SP100: variants seen among roughly 807,000 people sequenced by gnomAD.
SP100 encodes nuclear autoantigen Sp-100.
Under a neutral mutation model 130.0 loss-of-function variants are expected in SP100, and 84 were observed. That is an observed-to-expected ratio of 0.65 (90% confidence interval 0.54 to 0.77). SP100 has a LOEUF of 0.77. Ranked by LOEUF, SP100 falls within the 30% of genes least tolerant of loss-of-function variation. The pLI is 0.00. For missense variants in SP100, 978 were observed against 1,052.2 expected, an observed-to-expected ratio of 0.93 and a Z score of 0.97; for synonymous variants, 331 against 351.7, an observed-to-expected ratio of 0.94 and a Z score of 0.66.
chr2:230,502,020 C>T (rs766969067), intron 19 of SP100, among the ~76,000 whole-genome samples: 1 of 151,376 alleles, frequency 6.6e-6, no homozygotes, highest in African/African-American at 2.4e-5. Context: ...AGGCACATAC[C>T]ACCACACCCA....
intron 19 of SP100, among the ~76,000 whole-genome samples, chr2:230,499,684 C>T (rs569766123): frequency 2.6e-4 from 40 of 151,182 alleles, no homozygotes; most frequent in African/African-American, 9.0e-4. Context: ...CCATGGGAAT[C>T]GTGCTTCTTC....
intron 2 of SP100, among the ~76,000 whole-genome samples, chr2:230,427,624 CT>C (rs1216856638): frequency 1.3e-5 from 2 of 152,048 alleles, no homozygotes; most frequent in Non-Finnish European, 2.9e-5. Flanking sequence ...CTTTGTAGTA[CT>C]TTTTTTCTTT....
At chr2:230,473,513 A>G in intron 16 of SP100, 73 bp downstream of exon 16, 1 of 863,356 alleles carries the variant, frequency 1.2e-6, no homozygotes, top group South Asian at 1.5e-5. Context: ...GGATGTGGGA[A>G]GTGATCAGAG....
chr2:230,515,506 T>C, intron 24 of SP100: 10 of 1,611,222 alleles, frequency 6.2e-6, no homozygotes, highest in Non-Finnish European at 8.5e-6. Flanking sequence ...TATTGCTGCA[T>C]ATCGAGCTAA....
intron 24 of SP100, among the ~76,000 whole-genome samples, chr2:230,513,112 GA>G (rs1261907106): frequency 6.6e-6 from 1 of 152,194 alleles, no homozygotes; most frequent in Non-Finnish European, 1.5e-5. Context: ...AACAGGCCAT[GA>G]GTTGGTACAG....
chr2:230,511,920 G>T (rs936463469), intron 24 of SP100, among the ~76,000 whole-genome samples: 3 of 152,174 alleles, frequency 2.0e-5, no homozygotes, highest in Non-Finnish European at 2.9e-5. Context: ...AGGCTAGAAT[G>T]CAGTGACACA....
chr2:230,500,441 G>T (rs1447016264), intron 19 of SP100, among the ~76,000 whole-genome samples: 1 of 152,184 alleles, frequency 6.6e-6, no homozygotes, highest in Non-Finnish European at 1.5e-5. Context: ...GAAGTTGTTT[G>T]CCCTCAATAG....
At chr2:230,526,627 G>T (rs1307198155) in intron 24 of SP100, among the ~76,000 whole-genome samples, 1 of 152,108 alleles carries the variant, frequency 6.6e-6, no homozygotes, top group African/African-American at 2.4e-5. Flanking sequence ...GAGCTAAAAG[G>T]TCATGTTCTA....
intron 9 of SP100, among the ~76,000 whole-genome samples, chr2:230,462,215 T>A (rs1178962767): frequency 6.6e-6 from 1 of 152,046 alleles, no homozygotes; most frequent in African/African-American, 2.4e-5. Flanking sequence ...AAGAACAGTG[T>A]CAGTGGATGG....
At chr2:230,477,226 A>T (rs1182830153) in intron 17 of SP100, among the ~76,000 whole-genome samples, 1 of 152,016 alleles carries the variant, frequency 6.6e-6, no homozygotes. Flanking sequence ...GAACTCTTAA[A>T]TATTATATAT....
chr2:230,508,227 T>C (rs1690270771), intron 23 of SP100, 196 bp downstream of exon 23: 2 of 749,522 alleles, frequency 2.7e-6, no homozygotes, highest in Non-Finnish European at 4.0e-6. Flanking sequence ...ACGTTTGAGA[T>C]AGAGGTGGGA....
chr2:230,497,930 G>T (rs907882776), intron 18 of SP100, among the ~76,000 whole-genome samples: 1 of 152,160 alleles, frequency 6.6e-6, no homozygotes, highest in African/African-American at 2.4e-5. Context: ...TGGCTAGTGT[G>T]TCACCATCAT....
intron 15 of SP100, 164 bp downstream of exon 15, chr2:230,470,262 A>G: frequency 7.4e-7 from 1 of 1,346,398 alleles, no homozygotes; most frequent in Non-Finnish European, 9.6e-7. Flanking sequence ...GAGGCAGGAA[A>G]TTATGATAAA....
In SP100 at chr2:230,467,144, C is replaced by T. The variant is rs769672664; in HGVS notation, c.1220C>T (p.Ser407Leu). The change falls in exon 13 of 29, where the codon TCA becomes TTA. Residue 407 changes from serine (S) to leucine (L), a missense_variant. Ser to Leu is a moderately radical substitution (Grantham distance 145). Transcript: ENST00000340126. ...GTGATAGGACAAGACCACGACTTTT[C>T]AGAATCCAGTGAGGAGGAGGCGCCC... ...KRVIGQDHDFSESSEEEAPAE... is the reference protein window; with the variant it reads ...KRVIGQDHDFLESSEEEAPAE... 1.2e-6 allele frequency: 2 copies of T among 1,613,880 alleles called. No individual in the cohort carries two copies. Among genetic ancestry groups the T allele is most frequent in the Non-Finnish European group, 1.7e-6 (2 of 1,179,808 alleles).
At chr2:230,435,482 C>T (rs1292592245) in intron 2 of SP100, among the ~76,000 whole-genome samples, 1 of 152,126 alleles carries the variant, frequency 6.6e-6, no homozygotes, top group Admixed American at 6.6e-5. Flanking sequence ...TTTAACTATT[C>T]TCTTCTCAAA....
At chr2:230,428,848 C>T (rs1559482626) in intron 2 of SP100, among the ~76,000 whole-genome samples, 1 of 152,176 alleles carries the variant, frequency 6.6e-6, no homozygotes, top group Non-Finnish European at 1.5e-5. Flanking sequence ...CCAGGGCCCT[C>T]CCCCAACACT....
chr2:230,444,772 A>T (rs1346865791), intron 4 of SP100, among the ~76,000 whole-genome samples: 1 of 152,180 alleles, frequency 6.6e-6, no homozygotes, highest in Non-Finnish European at 1.5e-5. Flanking sequence ...GTGGGAGTGT[A>T]TGTCTCTTGT....
chr2:230,529,916 A>G (rs1287952365), intron 24 of SP100, among the ~76,000 whole-genome samples: 5 of 152,206 alleles, frequency 3.3e-5, no homozygotes, highest in Non-Finnish European at 7.3e-5. Flanking sequence ...ACCACTGCTC[A>G]ACAAAATAAA....
At chr2:230,500,753 C>T (rs1402256884) in intron 19 of SP100, among the ~76,000 whole-genome samples, 3 of 152,074 alleles carry the variant, frequency 2.0e-5, no homozygotes, top group African/African-American at 4.8e-5. Flanking sequence ...GAGGGAGAGT[C>T]CCACACAGAA....
Sources: allele counts gnomAD v4.1 joint callset (sites outside exome capture counted in the v4.1 genomes callset), GRCh38; gene constraint gnomAD v4.1.1; transcripts MANE v1.5; gene names NCBI Gene and HGNC (gene_info 2026-07-23, HGNC 2026-07-21).